The following SSPN variants were observed in gnomAD, a reference collection of about 807,000 sequenced individuals.
SSPN encodes sarcospan, also known as K-ras oncogene-associated protein.
SSPN carries 15 observed loss-of-function variants against 19.1 expected under a neutral mutation model. That is an observed-to-expected ratio of 0.78 (90% CI 0.52 to 1.21). The LOEUF (loss-of-function observed/expected upper bound fraction) is 1.21. Among genes scored for constraint, SSPN ranks in the 50% most tolerant of loss-of-function variants. SSPN has a pLI of 0.00. For missense variants in SSPN, 291 were observed against 314.0 expected, an observed-to-expected ratio of 0.93 and a Z score of 0.55; for synonymous variants, 147 against 140.3, an observed-to-expected ratio of 1.05 and a Z score of -0.34.
intron 1 of SSPN, among the ~76,000 whole-genome samples, chr12:26,212,150 G>A (rs991120258): frequency 1.3e-5 from 2 of 152,142 alleles, no homozygotes; most frequent in African/African-American, 4.8e-5. Flanking sequence ...CCCTGCTTTT[G>A]CATTATAATT....
At chr12:26,222,654 T>G (rs1945134134) in intron 1 of SSPN, among the ~76,000 whole-genome samples, 1 of 152,248 alleles carries the variant, frequency 6.6e-6, no homozygotes, top group African/African-American at 2.4e-5. Flanking sequence ...GTGTGGAACT[T>G]TATCAATGTT....
intron 1 of SSPN, among the ~76,000 whole-genome samples, chr12:26,142,698 TCAGGA>T (rs1565670874): frequency 6.6e-6 from 1 of 152,160 alleles, no homozygotes; most frequent in Non-Finnish European, 1.5e-5. Context: ...TTGAGCTATT[TCAGGA>T]CATGGAGATT....
chr12:26,220,652 C>T (rs56030365), intron 1 of SSPN, among the ~76,000 whole-genome samples: 37,547 of 152,026 alleles, frequency 0.25, 5,106 homozygotes, highest in East Asian at 0.51. Flanking sequence ...CCAACCCAGG[C>T]CTCGTTCCTG....
At chr12:26,143,937 G>T (rs1156563433) in intron 1 of SSPN, among the ~76,000 whole-genome samples, 5 of 152,154 alleles carry the variant, frequency 3.3e-5, no homozygotes, top group African/African-American at 9.7e-5. Flanking sequence ...AGAATCTAAT[G>T]CCTGATGATC....
chr12:26,224,517 A>G (rs1945157501), intron 2 of SSPN, 138 bp downstream of exon 2: 1 of 710,476 alleles, frequency 1.4e-6, no homozygotes, highest in Admixed American at 2.2e-5. Flanking sequence ...AAAATGTTTT[A>G]AGAGGGCATT....
intron 1 of SSPN, among the ~76,000 whole-genome samples, chr12:26,162,695 G>A (rs1944596507): frequency 6.6e-6 from 1 of 151,726 alleles, no homozygotes; most frequent in Admixed American, 6.6e-5. Flanking sequence ...TTTAATGAAT[G>A]AAACAATTTA....
At chr12:26,176,723 A>G (rs190694334) in intron 1 of SSPN, among the ~76,000 whole-genome samples, 6 of 152,206 alleles carry the variant, frequency 3.9e-5, no homozygotes, top group African/African-American at 1.4e-4. Flanking sequence ...ACATGGGAAC[A>G]TCGTCTCCCC....
intron 1 of SSPN, among the ~76,000 whole-genome samples, chr12:26,185,892 C>T (rs1591867696): frequency 6.6e-6 from 1 of 152,296 alleles, no homozygotes; most frequent in African/African-American, 2.4e-5. Flanking sequence ...ATGTGTCTGT[C>T]TCCCTTCAGT....
intron 1 of SSPN, among the ~76,000 whole-genome samples, chr12:26,174,847 G>T (rs1944675010): frequency 6.6e-6 from 1 of 152,084 alleles, no homozygotes; most frequent in African/African-American, 2.4e-5. Flanking sequence ...AGAAACCATT[G>T]ATCTACTTTC....
chr12:26,231,018 A>C lies in SSPN; in HGVS notation c.674A>C (p.Tyr225Ser), dbSNP rs1225698869. The C allele has an allele frequency of 6.2e-7, 1 of 1,614,072 alleles. No homozygotes were observed. Among genetic ancestry groups the C allele is most frequent in the Non-Finnish European group, 8.5e-7 (1 of 1,180,054 alleles). ...VMWKHRYQVF[Y>S]VGVRICSLTA... ...TGGAAACATAGGTACCAGGTCTTCT[A>C]TGTGGGTGTCAGGATATGCTCCCTC... Residue 225 changes from tyrosine to serine, a missense_variant, in exon 3 of 3, where the codon TAT (tyrosine) becomes TCT (serine). Around this residue, in one of 3 missense-constraint regions of SSPN, gnomAD observed 141 missense variants for 166.7 expected, o/e 0.85. Transcript: ENST00000242729.
chr12:26,142,344 T>C (rs1944465788), intron 1 of SSPN, among the ~76,000 whole-genome samples: 1 of 152,112 alleles, frequency 6.6e-6, no homozygotes, highest in Non-Finnish European at 1.5e-5. Flanking sequence ...TGAAAGGTTG[T>C]AGGACAGTAA....
intron 1 of SSPN, among the ~76,000 whole-genome samples, chr12:26,147,153 T>C (rs959656940): frequency 6.6e-6 from 1 of 152,198 alleles, no homozygotes; most frequent in Non-Finnish European, 1.5e-5. Flanking sequence ...AATTCCACTT[T>C]CTGGAAATAT....
chr12:26,187,360 G>A (rs544826843), intron 1 of SSPN, among the ~76,000 whole-genome samples: 1 of 152,346 alleles, frequency 6.6e-6, no homozygotes, highest in East Asian at 1.9e-4. Flanking sequence ...AGATTTTAGG[G>A]AGGAAAACGT....
chr12:26,130,386 CAG>C (rs1480637753), intron 1 of SSPN, among the ~76,000 whole-genome samples: 4 of 152,136 alleles, frequency 2.6e-5, no homozygotes, highest in South Asian at 2.1e-4. Context: ...CCTCCTGGTG[CAG>C]AGAGTTGTCA....
chr12:26,146,613 A>G (rs1385560089), intron 1 of SSPN, among the ~76,000 whole-genome samples: 1 of 152,222 alleles, frequency 6.6e-6, no homozygotes, highest in East Asian at 1.9e-4. Flanking sequence ...ACTTGAGGCC[A>G]GGAGTTCAAG....
At chr12:26,154,218 G>A (rs1348451164) in intron 1 of SSPN, among the ~76,000 whole-genome samples, 1 of 152,076 alleles carries the variant, frequency 6.6e-6, no homozygotes, top group Non-Finnish European at 1.5e-5. Context: ...AAGATGACAG[G>A]GTTCATGAAG....
At chr12:26,205,681 A>C (rs1944925229) in intron 1 of SSPN, among the ~76,000 whole-genome samples, 1 of 152,240 alleles carries the variant, frequency 6.6e-6, no homozygotes, top group Non-Finnish European at 1.5e-5. Flanking sequence ...TCAGGAAGAT[A>C]GTGGGGCACC....
At chr12:26,203,052 A>G (rs1944900348) in intron 1 of SSPN, among the ~76,000 whole-genome samples, 2 of 152,138 alleles carry the variant, frequency 1.3e-5, no homozygotes, top group African/African-American at 4.8e-5. Context: ...AAGCCATCAG[A>G]TCTCATGAGA....
At chr12:26,155,728 A>C (rs1944552113) in intron 1 of SSPN, among the ~76,000 whole-genome samples, 1 of 152,224 alleles carries the variant, frequency 6.6e-6, no homozygotes, top group South Asian at 2.1e-4. Context: ...GGGGACAAAA[A>C]ATAGAGCTAA....
Sources: gnomAD v4.1 joint callset for allele counts (sites outside exome capture counted in the v4.1 genomes callset) on GRCh38, gnomAD v4.1.1 for gene constraint, gnomAD v4.1.1 regional missense constraint, MANE v1.5 for transcripts, NCBI Gene and HGNC (gene_info 2026-07-23, HGNC 2026-07-21) for gene names.